THSD7A: variants seen among roughly 807,000 people sequenced by gnomAD.
The protein encoded by THSD7A is thrombospondin type-1 domain-containing protein 7A.
THSD7A carries 96 observed loss-of-function variants against 231.3 expected under a neutral mutation model. The ratio of observed to expected loss-of-function variants is 0.41; its 90% CI spans 0.35 to 0.49. The LOEUF (loss-of-function observed/expected upper bound fraction) is 0.49, where lower values mean the gene tolerates loss of function less well. Ranked by LOEUF, THSD7A falls within the 20% of genes least tolerant of loss-of-function variation. The pLI, the probability that THSD7A is intolerant of heterozygous loss-of-function variation, is 0.05. For synonymous variants in THSD7A, 940 were observed against 743.3 expected (o/e 1.26, Z -4.30); for missense variants, 2,290 against 2,070.2 (o/e 1.11, Z -2.06).
chr7:11,394,454 G>C (rs6460814), intron 23 of THSD7A, among the ~76,000 whole-genome samples: 39,429 of 152,042 alleles, frequency 0.26, 6,433 homozygotes, highest in African/African-American at 0.47. Context: ...GCAGGCCTTC[G>C]GAAAGGTGCG....
chr7:11,525,247 A>G (rs1043182497), intron 6 of THSD7A, among the ~76,000 whole-genome samples: 1 of 148,678 alleles, frequency 6.7e-6, no homozygotes, highest in African/African-American at 2.6e-5. Flanking sequence ...AGTACAGTTC[A>G]TCCAAAGAGC....
chr7:11,495,261 T>C (rs1444237996), intron 6 of THSD7A, among the ~76,000 whole-genome samples: 1 of 152,132 alleles, frequency 6.6e-6, no homozygotes, highest in Non-Finnish European at 1.5e-5. Flanking sequence ...CCTGTATGTA[T>C]GTGCTGTTTT....
At chr7:11,391,289 G>T (rs983476734) in intron 23 of THSD7A, among the ~76,000 whole-genome samples, 3 of 152,102 alleles carry the variant, frequency 2.0e-5, no homozygotes, top group Non-Finnish European at 4.4e-5. Flanking sequence ...TTTCACAAAT[G>T]CCCTGCCCAG....
intron 22 of THSD7A, among the ~76,000 whole-genome samples, chr7:11,405,490 C>G (rs1783552781): frequency 6.6e-6 from 1 of 152,088 alleles, no homozygotes; most frequent in African/African-American, 2.4e-5. Flanking sequence ...CATTTTCAAT[C>G]TGTTCATTTC....
chr7:11,391,046 G>GTGTC (rs1782961119), intron 23 of THSD7A, among the ~76,000 whole-genome samples: 1 of 152,190 alleles, frequency 6.6e-6, no homozygotes, highest in African/African-American at 2.4e-5. Context: ...CTACTGGGAG[G>GTGTC]TGTCTCCCAG....
intron 6 of THSD7A, among the ~76,000 whole-genome samples, chr7:11,492,908 T>C (rs1191902108): frequency 6.6e-6 from 1 of 152,182 alleles, no homozygotes; most frequent in African/African-American, 2.4e-5. Flanking sequence ...ATCTTCATAG[T>C]TGTCTGCTAG....
At chr7:11,716,104 T>C (rs1215959737) in intron 1 of THSD7A, among the ~76,000 whole-genome samples, 1 of 151,534 alleles carries the variant, frequency 6.6e-6, no homozygotes, top group Non-Finnish European at 1.5e-5. Flanking sequence ...TTAACATCAA[T>C]ACTACTTACC....
At chr7:11,402,009 A>G in intron 22 of THSD7A, 41 bp from the exon 23 acceptor site, 1 of 1,562,324 alleles carries the variant, frequency 6.4e-7, no homozygotes, top group Non-Finnish European at 8.7e-7. Context: ...ATATCCACAG[A>G]GAAAAGCCAG....
intron 1 of THSD7A, among the ~76,000 whole-genome samples, chr7:11,779,941 T>G (rs1350051699): frequency 6.6e-6 from 1 of 152,192 alleles, no homozygotes; most frequent in Non-Finnish European, 1.5e-5. Flanking sequence ...TGCACGTCTT[T>G]GGGTTTCTGT....
chr7:11,447,717 C>A (rs991722913), intron 11 of THSD7A, among the ~76,000 whole-genome samples: 15 of 152,062 alleles, frequency 9.9e-5, no homozygotes, highest in Non-Finnish European at 1.9e-4. Flanking sequence ...ATTCATGTCA[C>A]ATGTAGGGTA....
intron 1 of THSD7A, among the ~76,000 whole-genome samples, chr7:11,800,147 G>A (rs530782984): frequency 5.3e-5 from 8 of 152,186 alleles, no homozygotes; most frequent in Non-Finnish European, 1.0e-4. Context: ...AGGGAAGACT[G>A]CAGGAGTCTA....
In THSD7A at chr7:11,699,737, T is replaced by C. The variant is rs142412465; in HGVS notation, c.191-62776A>G. On this transcript the variant is annotated intron_variant, in intron 1 of 27. Coordinates refer to ENST00000423059, the MANE Select transcript of THSD7A (RefSeq NM_015204.3). ...TTTTGCTATTTAATAGCAGCACTTC[T>C]CCAGGGTGAAATCTTCGGCTTTCCA... Among the ~76,000 whole-genome samples the C allele has an allele frequency of 4.2e-3, 631 of 151,408 alleles. 4 individuals carry two copies. The highest frequency in any genetic ancestry group is 0.014 in the African/African-American group (600 of 41,434).
chr7:11,600,994 T>C (rs1162102388), intron 2 of THSD7A, among the ~76,000 whole-genome samples: 1 of 152,202 alleles, frequency 6.6e-6, no homozygotes, highest in African/African-American at 2.4e-5. Flanking sequence ...CTCAGTGTCA[T>C]GTATTGATGC....
Position 11,446,496 on chromosome 7 carries a change from C to T in THSD7A, c.2801-172G>A, listed in dbSNP as rs373072549. Among the ~76,000 whole-genome samples the T allele has an allele frequency of 2.6e-4, 40 of 152,082 alleles. No individual in the cohort carries two copies. The highest frequency in any genetic ancestry group is 8.9e-4 in the African/African-American group (37 of 41,506). On this transcript the variant is annotated intron_variant, in intron 12 of 27. Coordinates refer to ENST00000423059, the MANE Select transcript of THSD7A (RefSeq NM_015204.3). The surrounding 1 kb of genome is among the most constrained non-coding windows in gnomAD (Gnocchi z 4.0). ...TTCCACAGTGTTTTCTACATAGGCT[C>T]CTGTTGGTATTGGGTGCTTTGCATA...
intron 13 of THSD7A, among the ~76,000 whole-genome samples, chr7:11,431,275 A>C (rs1192440681): frequency 6.6e-6 from 1 of 152,198 alleles, no homozygotes; most frequent in African/African-American, 2.4e-5. Flanking sequence ...TCCACTACCA[A>C]AGTCAAGGTC....
At position 11,510,851 on chromosome 7, in the gene THSD7A, G is replaced by C. The variant is rs939335157; in HGVS notation, c.1823-28869C>G. Among the ~76,000 whole-genome samples the C allele has an allele frequency of 1.3e-5, 2 of 152,210 alleles. 1 individual carries two copies. The highest frequency in any genetic ancestry group is 4.8e-5 in the African/African-American group (2 of 41,534). On this transcript the variant is annotated intron_variant, in intron 6 of 27. Coordinates refer to ENST00000423059, the MANE Select transcript of THSD7A (RefSeq NM_015204.3). ...ATAAATGAATGGGCAAAAACTGGAA[G>C]CATTCCCTTTGAAAACTGGCACAAG...
At chr7:11,646,188 T>G (rs879544610) in intron 1 of THSD7A, among the ~76,000 whole-genome samples, 27 of 152,124 alleles carry the variant, frequency 1.8e-4, no homozygotes, top group Non-Finnish European at 3.4e-4. Flanking sequence ...TATTAAAATT[T>G]TAAAAAGATC....
intron 9 of THSD7A, among the ~76,000 whole-genome samples, chr7:11,464,162 C>CT (rs111595345): frequency 0.039 from 5,807 of 149,440 alleles, 343 homozygotes; most frequent in African/African-American, 0.13. Context: ...TGTCCATAAT[C>CT]TTTTTTTTTT....
rs768359492 is a variant in THSD7A, at chr7:11,636,150, C to T, written c.1002G>A (p.Thr334=). Residue 334 remains threonine, a synonymous_variant, in exon 2 of 28, where the codon ACG becomes ACA. Coordinates refer to ENST00000423059, the MANE Select transcript of THSD7A (RefSeq NM_015204.3). The surrounding 1 kb of genome is among the most constrained non-coding windows in gnomAD (Gnocchi z 10.0). ...GTTACCTTAAATCAGCAGCTTTCCCCGTCTTGTTAATGCACATAACCTCTC... is the reference window on the plus strand; with the variant it reads ...GTTACCTTAAATCAGCAGCTTTCCCTGTCTTGTTAATGCACATAACCTCTC... The part of the protein sequence containing the change: ...QTREVMCINK[T]GKAADLSFCQ... 7.4e-6 allele frequency: 12 copies of T among 1,611,168 alleles called. No homozygotes were observed. Among genetic ancestry groups the T allele is most frequent in the African/African-American group, 5.4e-5 (4 of 74,660 alleles).
Sources: allele counts gnomAD v4.1 joint callset (sites outside exome capture counted in the v4.1 genomes callset), GRCh38; gene constraint gnomAD v4.1.1; non-coding constraint Gnocchi (gnomAD v3.1); transcripts MANE v1.5; gene names NCBI Gene and HGNC (gene_info 2026-07-23, HGNC 2026-07-21).